Variants in KDM8 observed in about 807,000 individuals in gnomAD.
KDM8 encodes the protein bifunctional peptidase and arginyl-hydroxylase JMJD5.
In KDM8, 35 loss-of-function variants were observed where a neutral mutation model predicts 46.9. The ratio of observed to expected loss-of-function variants is 0.75; its 90% CI spans 0.57 to 0.99. The LOEUF (loss-of-function observed/expected upper bound fraction) is 0.99, where lower values mean the gene tolerates loss of function less well. Among genes scored for constraint, KDM8 ranks in the 50% least tolerant of loss-of-function variants. The pLI, the probability that KDM8 is intolerant of heterozygous loss-of-function variation, is 0.00. For missense variants in KDM8, 475 were observed against 537.0 expected, an observed-to-expected ratio of 0.88 and a Z score of 1.14; for synonymous variants, 232 against 227.7, an observed-to-expected ratio of 1.02 and a Z score of -0.17.
chr16:27,207,580 G>C (rs1047717124), intron 1 of KDM8, among the ~76,000 whole-genome samples: 5 of 152,156 alleles, frequency 3.3e-5, no homozygotes, highest in Non-Finnish European at 7.3e-5. Context: ...CTTGTAGGAG[G>C]CTATAGTTTT....
intron 5 of KDM8, among the ~76,000 whole-genome samples, chr16:27,217,839 C>T (rs1249162179): frequency 1.4e-5 from 2 of 146,888 alleles, no homozygotes; most frequent in Non-Finnish European, 3.1e-5. Context: ...TTGAAAAATG[C>T]CGCCAGGTCC....
chr16:27,213,218 CGT>C (rs3063593), intron 2 of KDM8: 29,725 of 139,280 alleles, frequency 0.21, 2,881 homozygotes, highest in Middle Eastern at 0.3. Context: ...AGATATTTTG[CGT>C]GTGTGTGTGT....
rs771029080 is a variant in KDM8, at chr16:27,218,952, C to T, written c.844-9C>T. The T allele has an allele frequency of 5.0e-6, 8 of 1,613,894 alleles. 1 individual carries two copies. Among genetic ancestry groups the T allele is most frequent in the Middle Eastern group, 1.6e-4 (1 of 6,078 alleles). On this transcript the variant is annotated splice_polypyrimidine_tract_variant and intron_variant, in intron 5 of 7. Coordinates refer to ENST00000286096, the MANE Select transcript of KDM8 (RefSeq NM_024773.3). ...TCCCCACATCTCATGTCTGCTCTGC[C>T]GCCCACAGATCCCGGAGTTGAAGCA... is the stretch of plus-strand genomic sequence containing the variant.
chr16:27,221,101 C>A lies in KDM8; in HGVS notation c.*371C>A. 5.5e-6 allele frequency: 2 copies of A among 364,906 alleles called. No homozygotes were observed. Among genetic ancestry groups the A allele is most frequent in the Non-Finnish European group, 1.1e-5 (2 of 187,134 alleles). The allele number at this position is 364,906 out of a possible 1,614,324, so 22.6% of individuals were successfully genotyped here. The stretch of plus-strand genomic sequence containing the variant: ...TGAGGTTGGCTACCTGATTCAAACC[C>A]GGCCGCGCTGTGCACCTGCTGGGTG... On this transcript the variant is annotated 3_prime_UTR_variant, in exon 8 of 8. Coordinates refer to ENST00000286096, the MANE Select transcript of KDM8 (RefSeq NM_024773.3).
chr16:27,215,116 G>A (rs8054431), intron 4 of KDM8, 108 bp downstream of exon 4: 1 of 1,323,682 alleles, frequency 7.6e-7, no homozygotes, highest in Non-Finnish European at 1.1e-6. Context: ...GAGGAGCCAG[G>A]CTGTAAGTCT....
intron 1 of KDM8, among the ~76,000 whole-genome samples, chr16:27,208,532 A>G (rs1208371035): frequency 1.3e-5 from 2 of 152,216 alleles, no homozygotes; most frequent in Non-Finnish European, 2.9e-5. Flanking sequence ...CCCCAGTGGA[A>G]GCCAGTTTTA....
In KDM8 at chr16:27,213,612, C is replaced by T. The variant is rs1317935455; in HGVS notation, c.526C>T (p.Pro176Ser). 1.2e-6 allele frequency: 2 copies of T among 1,614,066 alleles called. No homozygotes were observed. The highest frequency in any genetic ancestry group is 2.2e-5 in the East Asian group (1 of 44,880). Residue 176 changes from proline (P) to serine (S), a missense_variant, in exon 3 of 8, where the codon CCA becomes TCA. Coordinates refer to ENST00000286096, the MANE Select transcript of KDM8 (RefSeq NM_024773.3). ...KKARADHGLI[P>S]DVKLEKTVPR... ...AGCAAGGGCGGACCATGGTTTGATT[C>T]CAGATGTGAAGTTAGAAAAAACAGT...
intron 1 of KDM8, among the ~76,000 whole-genome samples, chr16:27,209,557 T>TCCAA (rs1249400194): frequency 1.3e-5 from 2 of 152,230 alleles, no homozygotes; most frequent in African/African-American, 2.4e-5. Flanking sequence ...CTGGCACTCC[T>TCCAA]GAGTGACTGC....
At chr16:27,204,933 G>C (rs1013940662) in intron 1 of KDM8, among the ~76,000 whole-genome samples, 10 of 152,198 alleles carry the variant, frequency 6.6e-5, no homozygotes, top group Admixed American at 6.5e-4. Context: ...GGCTGAGGCA[G>C]GAGAATTGCT....
intron 5 of KDM8, among the ~76,000 whole-genome samples, chr16:27,218,295 CAATA>C (rs538491500): frequency 1.6e-4 from 24 of 152,096 alleles, no homozygotes; most frequent in Middle Eastern, 3.4e-3. Flanking sequence ...AAAAAAATTA[CAATA>C]AATAAATAAA....
rs777418053 is a variant in KDM8 at position 27,215,949 on chromosome 16, G to A, written c.803G>A (p.Arg268Lys). The A allele has an allele frequency of 1.1e-5, 18 of 1,614,062 alleles. No individual in the cohort carries two copies. In the Admixed American group the frequency reaches 2.7e-4, roughly 24 times the overall value. Residue 268 changes from arginine to lysine, a missense_variant, in exon 5 of 8, where the codon AGG becomes AAG. By Grantham distance (26) the Arg-to-Lys change is conservative (BLOSUM62 2). Coordinates refer to ENST00000286096, the MANE Select transcript of KDM8 (RefSeq NM_024773.3). ...FISKYIVNEP[R>K]DVGYLAQHQL... is the part of the protein sequence containing the mutation. ...TGGTTTTCCCCGGTGGATTAGCCAA[G>A]GGACGTCGGGTACCTTGCTCAGCAC...
chr16:27,216,062 C>G, intron 5 of KDM8, 73 bp downstream of exon 5: 1 of 1,522,830 alleles, frequency 6.6e-7, no homozygotes. Flanking sequence ...GGGCTCAGTG[C>G]GGCTGGAGCA....
Position 27,220,707 on chromosome 16 carries a change from T to G in KDM8, c.1228T>G (p.Ser410Ala). 6.2e-7 allele frequency: 1 copy of G among 1,614,198 alleles called. No individual in the cohort carries two copies. The highest frequency in any genetic ancestry group is 2.2e-5 in the East Asian group (1 of 44,880). The stretch of plus-strand genomic sequence containing the variant: ...CGTGCGGGCTCTGGATTTGAGCTTC[T>G]CGGTCAGCTTCTGGTGGTCGTAGCC... ...HYVRALDLSF[S>A]VSFWWS Residue 410 changes from serine (S) to alanine (A), a missense_variant, in exon 8 of 8, where the codon TCG (serine) becomes GCG (alanine). By Grantham distance (99) the Ser-to-Ala change is moderately conservative. Transcript: ENST00000286096.
intron 2 of KDM8, 42 bp downstream of exon 2, chr16:27,210,663 C>A (rs752670711): frequency 5.4e-6 from 8 of 1,485,618 alleles, no homozygotes; most frequent in Admixed American, 4.8e-5. Flanking sequence ...AGCCATCCAG[C>A]AACCCTGTTG....
intron 2 of KDM8, among the ~76,000 whole-genome samples, chr16:27,212,943 G>A (rs536851209): frequency 1.2e-4 from 19 of 152,272 alleles, no homozygotes; most frequent in Admixed American, 1.2e-3. Context: ...TTCCACCTTG[G>A]TCTCCCAAAG....
chr16:27,210,072 T>C, intron 1 of KDM8, 21 bp from the exon 2 acceptor site: 2 of 1,574,956 alleles, frequency 1.3e-6, no homozygotes, highest in Non-Finnish European at 8.6e-7. Context: ...GTCTAACTCT[T>C]GTTTCTCTCC....
intron 2 of KDM8, 64 bp downstream of exon 2, chr16:27,210,685 C>T: frequency 1.4e-6 from 2 of 1,459,258 alleles, no homozygotes; most frequent in Non-Finnish European, 1.8e-6. Context: ...TCTAGAAATT[C>T]CGAGTCATCT....
intron 4 of KDM8, 122 bp from the exon 5 acceptor site, chr16:27,215,823 A>G: frequency 9.9e-7 from 1 of 1,006,888 alleles, no homozygotes; most frequent in Non-Finnish European, 1.6e-6. Flanking sequence ...AGGACCACTC[A>G]GGATGGAGTG....
In KDM8 at chr16:27,204,159, C is replaced by G. The variant is rs1366041411; in HGVS notation, c.-32+523C>G. On this transcript the variant is annotated intron_variant, in intron 1 of 7. Coordinates refer to ENST00000286096, the MANE Select transcript of KDM8 (RefSeq NM_024773.3). ...GGGAAGGGGGTCTGAGGCCTCGGGG[C>G]TCAAGGCCAGTGCGGGGTACGGGGG... 3 of 1,516,918 alleles carry G rather than the reference C, an allele frequency of 2.0e-6. No individual in the cohort carries two copies. Among genetic ancestry groups the G allele is most frequent in the Middle Eastern group, 1.8e-4 (1 of 5,480 alleles). The allele number at this position is 1,516,918 out of a possible 1,614,324, so 94.0% of individuals were successfully genotyped here.
Sources: gnomAD v4.1 joint callset for allele counts (sites outside exome capture counted in the v4.1 genomes callset) on GRCh38, gnomAD v4.1.1 for gene constraint, MANE v1.5 for transcripts, NCBI Gene and HGNC (gene_info 2026-07-23, HGNC 2026-07-21) for gene names.